SLC15A1: variants seen among roughly 807,000 people sequenced by gnomAD.
The protein encoded by SLC15A1 is Caco-2 oligopeptide transporter.
SLC15A1 carries 83 observed loss-of-function variants against 92.9 expected under a neutral mutation model. The ratio of observed to expected loss-of-function variants is 0.89; its 90% confidence interval spans 0.75 to 1.07. The LOEUF is 1.07. Among genes scored for constraint, SLC15A1 ranks in the 50% least tolerant of loss-of-function variants. SLC15A1 has a pLI of 0.00. For missense variants in SLC15A1, 857 were observed against 880.1 expected (o/e 0.97, Z 0.33); for synonymous variants, 322 against 318.2 (o/e 1.01, Z -0.13).
chr13:98,716,476 G>T (rs1171918992), intron 8 of SLC15A1, among the ~76,000 whole-genome samples: 1 of 151,902 alleles, frequency 6.6e-6, no homozygotes, highest in African/African-American at 2.4e-5. Flanking sequence ...ACAAAAATTA[G>T]CTGGGTGTGG....
At chr13:98,731,026 C>A (rs1196530117) in intron 1 of SLC15A1, among the ~76,000 whole-genome samples, 1 of 152,220 alleles carries the variant, frequency 6.6e-6, no homozygotes, top group East Asian at 1.9e-4. Context: ...AAGTGACAGT[C>A]ACGGCTTCTC....
chr13:98,724,536 G>A (rs190999415), intron 4 of SLC15A1, among the ~76,000 whole-genome samples: 3 of 152,192 alleles, frequency 2.0e-5, no homozygotes, highest in African/African-American at 4.8e-5. Context: ...TTGGCCAGAG[G>A]GCCAGGAGAG....
chr13:98,719,433 G>A (rs2088236903), intron 7 of SLC15A1, 113 bp from the exon 8 acceptor site: 2 of 687,886 alleles, frequency 2.9e-6, no homozygotes, highest in Non-Finnish European at 4.9e-6. Context: ...TACTGTTCTA[G>A]ACATATCCAT....
At chr13:98,738,626 G>A (rs955718943) in intron 1 of SLC15A1, among the ~76,000 whole-genome samples, 7 of 152,380 alleles carry the variant, frequency 4.6e-5, no homozygotes, top group Middle Eastern at 6.8e-3. Context: ...GCCTGCAGGC[G>A]CACAGACTGC....
chr13:98,749,580 T>G (rs939936928), intron 1 of SLC15A1, among the ~76,000 whole-genome samples: 4 of 152,168 alleles, frequency 2.6e-5, no homozygotes, highest in Non-Finnish European at 4.4e-5. Flanking sequence ...CGGAGGCTGC[T>G]TTTTCTTACT....
chr13:98,684,663 C>T lies in SLC15A1; in HGVS notation c.*61G>A, dbSNP rs1431369870. ...GGCCATCCAATGGAGTGTCCTGCTA[C>T]CTGGGGGCAGAGGTCAGGGCATCTG... is the stretch of plus-strand genomic sequence containing the variant. On this transcript the variant is annotated 3_prime_UTR_variant, in exon 23 of 23. Transcript: ENST00000376503. 6.3e-6 allele frequency: 9 copies of T among 1,426,342 alleles called. No homozygotes were observed. The East Asian group carries it at 9.1e-5, about 14-fold the overall frequency. 88.4% of individuals were successfully genotyped at this position (1,426,342 alleles called of 1,614,324 possible).
intron 1 of SLC15A1, among the ~76,000 whole-genome samples, chr13:98,741,198 C>A (rs1365695502): frequency 6.6e-6 from 1 of 152,210 alleles, no homozygotes; most frequent in Non-Finnish European, 1.5e-5. Context: ...CTGATGGCTG[C>A]ACTGCTGGTG....
chr13:98,746,607 A>T (rs147478111), intron 1 of SLC15A1, among the ~76,000 whole-genome samples: 3 of 152,394 alleles, frequency 2.0e-5, no homozygotes, highest in African/African-American at 7.2e-5. Context: ...TTATAATAAA[A>T]TCTTGTCACT....
chr13:98,695,480 T>C (rs150778978), intron 18 of SLC15A1, among the ~76,000 whole-genome samples: 1,657 of 152,200 alleles, frequency 0.011, 30 homozygotes, highest in African/African-American at 0.038. Flanking sequence ...GCAACCTCCG[T>C]GCCCCAGGTT....
chr13:98,685,911 G>A (rs1384818654), intron 22 of SLC15A1, among the ~76,000 whole-genome samples: 58 of 151,772 alleles, frequency 3.8e-4, no homozygotes, highest in African/African-American at 1.2e-3. Flanking sequence ...ACTTGAACCC[G>A]AGAGGCGGAG....
intron 1 of SLC15A1, among the ~76,000 whole-genome samples, chr13:98,727,937 T>A (rs774803051): frequency 2.0e-5 from 3 of 152,136 alleles, no homozygotes; most frequent in Non-Finnish European, 4.4e-5. Context: ...GGAGTGTGCC[T>A]CAGAATCACC....
intron 1 of SLC15A1, among the ~76,000 whole-genome samples, chr13:98,741,657 G>T (rs1306603815): frequency 6.6e-6 from 1 of 151,062 alleles, no homozygotes; most frequent in Non-Finnish European, 1.5e-5. Flanking sequence ...CCAGGAGGTG[G>T]AGGTTGCAGT....
intron 21 of SLC15A1, among the ~76,000 whole-genome samples, chr13:98,686,597 C>T (rs907569821): frequency 4.6e-5 from 7 of 152,182 alleles, no homozygotes; most frequent in African/African-American, 1.7e-4. Context: ...CAAGCAAAGC[C>T]ACCCAGCCTG....
chr13:98,688,632 G>T, intron 18 of SLC15A1, 55 bp from the exon 19 acceptor site: 3 of 1,296,848 alleles, frequency 2.3e-6, no homozygotes, highest in Non-Finnish European at 3.3e-6. Flanking sequence ...TATATTCTAG[G>T]TCACAGTACA....
intron 1 of SLC15A1, among the ~76,000 whole-genome samples, chr13:98,733,078 G>A (rs1479145094): frequency 6.6e-6 from 1 of 152,102 alleles, no homozygotes; most frequent in Non-Finnish European, 1.5e-5. Context: ...GTTGGGGGAG[G>A]GGTCCCCAAG....
intron 13 of SLC15A1, 32 bp downstream of exon 13, chr13:98,709,710 T>A: frequency 6.2e-7 from 1 of 1,614,226 alleles, no homozygotes; most frequent in African/African-American, 1.3e-5. Context: ...AAGACGACTC[T>A]GATCCCTGAA....
At chr13:98,729,224 A>G (rs2088328577) in intron 1 of SLC15A1, among the ~76,000 whole-genome samples, 1 of 151,982 alleles carries the variant, frequency 6.6e-6, no homozygotes, top group Non-Finnish European at 1.5e-5. Context: ...ATTAAAAATC[A>G]TATGTACCCC....
intron 22 of SLC15A1, among the ~76,000 whole-genome samples, chr13:98,685,718 T>C (rs1366191300): frequency 1.3e-5 from 2 of 152,066 alleles, no homozygotes; most frequent in African/African-American, 4.8e-5. Flanking sequence ...TCAGGCCAGG[T>C]GCAGTGGCTC....
chr13:98,734,388 A>G (rs2088373809), intron 1 of SLC15A1, among the ~76,000 whole-genome samples: 1 of 152,156 alleles, frequency 6.6e-6, no homozygotes, highest in South Asian at 2.1e-4. Context: ...TGATTTCTGC[A>G]TTTCCAACTG....
Sources: allele counts gnomAD v4.1 joint callset (sites outside exome capture counted in the v4.1 genomes callset), GRCh38; gene constraint gnomAD v4.1.1; transcripts MANE v1.5; gene names NCBI Gene and HGNC (gene_info 2026-07-23, HGNC 2026-07-21).